ADCY9: variants seen among roughly 807,000 people sequenced by gnomAD.
ADCY9 encodes the protein adenylate cyclase 9.
A neutral mutation model predicts 101.5 loss-of-function variants in ADCY9; 50 were observed. The ratio of observed to expected loss-of-function variants is 0.49; its 90% confidence interval spans 0.39 to 0.62. The LOEUF (loss-of-function observed/expected upper bound fraction) is 0.62, where lower values mean the gene tolerates loss of function less well. ADCY9 is among the 20% of genes least tolerant of loss of function. The probability of loss-of-function intolerance (pLI) is 0.00; values close to 1 mark genes in which losing one functional copy is unlikely to be tolerated. For missense variants in ADCY9, 1,662 were observed against 1,800.4 expected (o/e 0.92, Z 1.39); for synonymous variants, 905 against 769.3 (o/e 1.18, Z -2.92).
Position 3,965,753 on chromosome 16 carries a change from C to T in ADCY9, c.*22G>A, listed in dbSNP as rs778863387. On this transcript the variant is annotated 3_prime_UTR_variant, in exon 11 of 11. Coordinates refer to ENST00000294016, the MANE Select transcript of ADCY9 (RefSeq NM_001116.4). ...CTGTGTTTCGACAAACAGAGCACCT[C>T]GGGCAGCGGGTGGGCGCCGCCTCAC... The T allele has an allele frequency of 4.4e-5, 70 of 1,590,848 alleles. No individual in the cohort carries two copies. In the Middle Eastern group the frequency reaches 1.2e-3, roughly 27 times the overall value.
chr16:4,066,454 A>G (rs2056801696), intron 2 of ADCY9, among the ~76,000 whole-genome samples: 1 of 152,040 alleles, frequency 6.6e-6, no homozygotes, highest in Non-Finnish European at 1.5e-5. Context: ...GGGCACGATC[A>G]GGGCTCACTG....
chr16:3,975,343 T>C (rs1034220102), intron 9 of ADCY9, among the ~76,000 whole-genome samples: 3 of 152,214 alleles, frequency 2.0e-5, no homozygotes, highest in Non-Finnish European at 4.4e-5. Context: ...ACAGTCCTAT[T>C]TTAAATTCCC....
chr16:4,014,843 C>G (rs1230772518), intron 2 of ADCY9, among the ~76,000 whole-genome samples: 1 of 151,758 alleles, frequency 6.6e-6, no homozygotes, highest in African/African-American at 2.4e-5. Context: ...CTATACCCAG[C>G]TTCCCTCTCT....
Position 4,066,155 on chromosome 16 carries a change from G to A in ADCY9, c.1693+47595C>T, listed in dbSNP as rs150518543. On this transcript the variant is annotated intron_variant, in intron 2 of 10. Transcript: ENST00000294016. ...CTGAATAGTCTATGATGGGCAATGG[G>A]GACGTTCCATCTACATCTCATTATG... Among the ~76,000 whole-genome samples the A allele has an allele frequency of 4.6e-5, 7 of 152,208 alleles. No individual in the cohort carries two copies. In the East Asian group the frequency reaches 5.8e-4, roughly 13 times the overall value.
At chr16:4,015,712 A>G (rs2141730947) in intron 2 of ADCY9, 1 of 152,354 alleles carries the variant, frequency 6.6e-6, no homozygotes, top group East Asian at 1.9e-4. Context: ...CACGCCTATA[A>G]TCCCAGGACT....
intron 3 of ADCY9, among the ~76,000 whole-genome samples, chr16:4,002,932 C>T (rs1019755285): frequency 8.5e-5 from 13 of 152,082 alleles, no homozygotes; most frequent in African/African-American, 3.1e-4. Context: ...GCCAGGCTGG[C>T]CTTGAACTCC....
intron 2 of ADCY9, among the ~76,000 whole-genome samples, chr16:4,038,776 T>A (rs1296563331): frequency 2.6e-5 from 4 of 151,822 alleles, no homozygotes. Flanking sequence ...CTCCTTCCTT[T>A]CCCTCACCAT....
intron 5 of ADCY9, among the ~76,000 whole-genome samples, chr16:3,957,099 C>G (rs535058307): frequency 2.1e-4 from 32 of 152,210 alleles, no homozygotes; most frequent in Non-Finnish European, 4.1e-4. Context: ...CCCTCCCCCT[C>G]CATCTGGGTT....
At chr16:4,018,919 C>T (rs112486123) in intron 2 of ADCY9, among the ~76,000 whole-genome samples, 1,711 of 94,370 alleles carry the variant, frequency 0.018, 28 homozygotes, top group African/African-American at 0.055. Flanking sequence ...TTTCGGACTT[C>T]CTTTTTCTGA....
At position 4,113,698 on chromosome 16, in the gene ADCY9, A is replaced by T; in HGVS notation, c.1693+52T>A. 12 of 1,540,840 alleles carry T rather than the reference A, an allele frequency of 7.8e-6. No homozygotes were observed. The Admixed American group carries it at 1.2e-4, about 16-fold the overall frequency. ...GGCTGGAAGCTTTTTTTTTTAATTT[A>T]ATACAATCAGGATCAGGGAGGGGGG... is the stretch of plus-strand genomic sequence containing the variant. On this transcript the variant is annotated intron_variant, in intron 2 of 10. Coordinates refer to ENST00000294016, the MANE Select transcript of ADCY9 (RefSeq NM_001116.4).
chr16:3,956,361 A>G (rs1033913263), intron 5 of ADCY9, among the ~76,000 whole-genome samples: 1 of 152,152 alleles, frequency 6.6e-6, no homozygotes, highest in African/African-American at 2.4e-5. Flanking sequence ...AAAACTACCT[A>G]ACACAATAAA....
chr16:4,087,304 G>A (rs1043774826), intron 2 of ADCY9, among the ~76,000 whole-genome samples: 1 of 151,872 alleles, frequency 6.6e-6, no homozygotes, highest in Non-Finnish European at 1.5e-5. Flanking sequence ...GGAGGCTGAG[G>A]CAGGCAGACT....
chr16:3,989,472 A>G (rs747034436), intron 5 of ADCY9, among the ~76,000 whole-genome samples: 8 of 151,852 alleles, frequency 5.3e-5, no homozygotes, highest in Non-Finnish European at 1.2e-4. Context: ...TCCGCCTCCC[A>G]GGTTCAAGCA....
chr16:4,063,029 A>G (rs892124199), intron 2 of ADCY9, among the ~76,000 whole-genome samples: 5 of 152,240 alleles, frequency 3.3e-5, no homozygotes, highest in African/African-American at 1.2e-4. Flanking sequence ...ATGTCAAGCA[A>G]CAACAAATAG....
At chr16:3,998,763 GA>G (rs57175427) in intron 3 of ADCY9, among the ~76,000 whole-genome samples, 21 of 6,434 alleles carry the variant, frequency 3.3e-3, no homozygotes, top group Admixed American at 6.2e-3. Flanking sequence ...GAAAAGAAAA[GA>G]AAAGAAAAGA....
intron 2 of ADCY9, among the ~76,000 whole-genome samples, chr16:4,085,406 C>A (rs371878010): frequency 1.7e-4 from 26 of 152,154 alleles, no homozygotes; most frequent in African/African-American, 5.5e-4. Flanking sequence ...AAAAGAGAGC[C>A]GCACCAAGTG....
At chr16:3,976,472 C>T (rs1052073115) in intron 9 of ADCY9, among the ~76,000 whole-genome samples, 10 of 152,220 alleles carry the variant, frequency 6.6e-5, no homozygotes, top group African/African-American at 2.2e-4. Flanking sequence ...AGAGGTCTAC[C>T]GGCCTCCCTG....
At chr16:4,006,039 G>A (rs980509613) in intron 3 of ADCY9, among the ~76,000 whole-genome samples, 2 of 152,124 alleles carry the variant, frequency 1.3e-5, no homozygotes, top group African/African-American at 4.8e-5. Context: ...TCAGATACAT[G>A]AGCTTTACAC....
chr16:4,081,906 T>G (rs1856886816), intron 2 of ADCY9, among the ~76,000 whole-genome samples: 10 of 138,792 alleles, frequency 7.2e-5, no homozygotes, highest in Admixed American at 2.1e-4. Context: ...AAGGGAGGGG[T>G]GCGGAGGGGC....
Sources: allele counts gnomAD v4.1 joint callset (sites outside exome capture counted in the v4.1 genomes callset), GRCh38; gene constraint gnomAD v4.1.1; transcripts MANE v1.5; gene names NCBI Gene and HGNC (gene_info 2026-07-23, HGNC 2026-07-21).